Variants in SORCS2 observed in about 807,000 individuals in gnomAD.
SORCS2 encodes VPS10 domain-containing receptor SorCS2.
Under a neutral mutation model 141.6 loss-of-function variants are expected in SORCS2, and 100 were observed. That is an observed-to-expected ratio of 0.71 (90% CI 0.60 to 0.83). SORCS2 has a LOEUF of 0.83. SORCS2 is among the 40% of genes least tolerant of loss of function. SORCS2 has a pLI of 0.00. For synonymous variants in SORCS2, 789 were observed against 676.9 expected, an observed-to-expected ratio of 1.17 and a Z score of -2.57; for missense variants, 1,646 against 1,560.2, an observed-to-expected ratio of 1.05 and a Z score of -0.93.
chr4:7,628,656 C>T (rs1719679851), intron 3 of SORCS2, among the ~76,000 whole-genome samples: 1 of 152,144 alleles, frequency 6.6e-6, no homozygotes. Flanking sequence ...AACCCTGTTC[C>T]CTGACCATGT....
chr4:7,275,211 T>G (rs1454986252), intron 1 of SORCS2, among the ~76,000 whole-genome samples: 4 of 152,158 alleles, frequency 2.6e-5, no homozygotes, highest in African/African-American at 9.7e-5. Flanking sequence ...TATAGCTGCA[T>G]CTGGCAGGCA....
At chr4:7,503,846 C>A (rs1732117576) in intron 2 of SORCS2, among the ~76,000 whole-genome samples, 1 of 152,202 alleles carries the variant, frequency 6.6e-6, no homozygotes. Flanking sequence ...CAAACTTCAC[C>A]AAGAACCACA....
intron 2 of SORCS2, among the ~76,000 whole-genome samples, chr4:7,409,242 G>A (rs1054282254): frequency 2.0e-5 from 3 of 152,118 alleles, no homozygotes; most frequent in Non-Finnish European, 4.4e-5. Context: ...GCCTCCTTTT[G>A]GACTCTAAGT....
chr4:7,686,159 A>G (rs977694168), intron 10 of SORCS2, among the ~76,000 whole-genome samples: 1 of 152,134 alleles, frequency 6.6e-6, no homozygotes, highest in Non-Finnish European at 1.5e-5. Flanking sequence ...CCTTCCCTCA[A>G]TGGGGAAATG....
intron 3 of SORCS2, among the ~76,000 whole-genome samples, chr4:7,584,913 C>G (rs996701529): frequency 6.6e-6 from 1 of 152,126 alleles, no homozygotes; most frequent in Non-Finnish European, 1.5e-5. Context: ...TGGGGGATGT[C>G]AAAATAAAGC....
At chr4:7,527,049 G>C (rs1168235659) in intron 2 of SORCS2, among the ~76,000 whole-genome samples, 1 of 152,190 alleles carries the variant, frequency 6.6e-6, no homozygotes, top group Non-Finnish European at 1.5e-5. Context: ...CGGCCCTGCG[G>C]GTCAGTGGTG....
chr4:7,416,342 C>A (rs987030881), intron 2 of SORCS2, among the ~76,000 whole-genome samples: 6 of 152,134 alleles, frequency 3.9e-5, no homozygotes, highest in African/African-American at 1.4e-4. Flanking sequence ...ACAGAGCTCC[C>A]CCTCCTTGCC....
Position 7,433,678 on chromosome 4 carries a change from C to T in SORCS2, c.548+37323C>T, listed in dbSNP as rs1376765675. ...GTTGTGGGAGGACACCGTGAGCAGC[C>T]TCTTGCACCCATTGCAGAAGCTGCC... On this transcript the variant is annotated intron_variant, in intron 2 of 26. Transcript: ENST00000507866. The T allele has an allele frequency of 1.2e-6, 2 of 1,612,168 alleles. No individual in the cohort carries two copies. Among genetic ancestry groups the T allele is most frequent in the Admixed American group, 3.3e-5 (2 of 59,948 alleles).
At chr4:7,232,803 A>AGGATGCCATGG (rs1252101607) in intron 1 of SORCS2, among the ~76,000 whole-genome samples, 5 of 152,172 alleles carry the variant, frequency 3.3e-5, no homozygotes, top group African/African-American at 1.2e-4. Context: ...GGGGGTGCCC[A>AGGATGCCATGG]GGGCACCCGG....
At chr4:7,615,657 A>G (rs1036059645) in intron 3 of SORCS2, among the ~76,000 whole-genome samples, 2 of 152,112 alleles carry the variant, frequency 1.3e-5, no homozygotes, top group African/African-American at 2.4e-5. Flanking sequence ...GATTTCCCCA[A>G]CTGTTCTTCA....
At chr4:7,275,029 C>G (rs949657990) in intron 1 of SORCS2, among the ~76,000 whole-genome samples, 2 of 152,162 alleles carry the variant, frequency 1.3e-5, no homozygotes, top group Non-Finnish European at 2.9e-5. Flanking sequence ...AGCCTGACAC[C>G]TTTTAATGCA....
At chr4:7,386,126 C>A (rs1402380025) in intron 1 of SORCS2, among the ~76,000 whole-genome samples, 2 of 151,906 alleles carry the variant, frequency 1.3e-5, no homozygotes, top group African/African-American at 4.8e-5. Context: ...CACATATGTA[C>A]ACACGCACAC....
intron 2 of SORCS2, among the ~76,000 whole-genome samples, chr4:7,403,871 T>A (rs1439193761): frequency 6.7e-6 from 1 of 149,218 alleles, no homozygotes; most frequent in Non-Finnish European, 1.5e-5. Context: ...GTACACTGTA[T>A]GCACGAAGTA....
chr4:7,531,766 C>T, intron 3 of SORCS2, 137 bp downstream of exon 3: 3 of 808,882 alleles, frequency 3.7e-6, no homozygotes, highest in Non-Finnish European at 4.0e-6. Flanking sequence ...TCCCTCCCAG[C>T]TCTCACTGCC....
At chr4:7,565,917 GGTGATGATGGCAATGATA>G (rs1714957224) in intron 3 of SORCS2, among the ~76,000 whole-genome samples, 1 of 142,136 alleles carries the variant, frequency 7.0e-6, no homozygotes, top group Non-Finnish European at 1.6e-5. Context: ...TGGTGGTGAT[GGTGATGATGGCAATGATA>G]GTGATGATGG....
chr4:7,487,567 C>T (rs1043613949), intron 2 of SORCS2, among the ~76,000 whole-genome samples: 9 of 152,206 alleles, frequency 5.9e-5, no homozygotes, highest in Admixed American at 2.0e-4. Flanking sequence ...AGAGAGAGCG[C>T]GCTGCATGCA....
At chr4:7,344,262 G>A (rs1720528349) in intron 1 of SORCS2, among the ~76,000 whole-genome samples, 1 of 152,232 alleles carries the variant, frequency 6.6e-6, no homozygotes, top group Admixed American at 6.5e-5. Flanking sequence ...TGAGTCCCAT[G>A]TCATGGAGCC....
At chr4:7,322,888 T>A (rs1042767623) in intron 1 of SORCS2, among the ~76,000 whole-genome samples, 9 of 152,170 alleles carry the variant, frequency 5.9e-5, no homozygotes, top group Non-Finnish European at 1.3e-4. Flanking sequence ...AGCCCCTGCC[T>A]GCCTAGAGCC....
chr4:7,735,595 A>G (rs1006329818), intron 25 of SORCS2, among the ~76,000 whole-genome samples: 1 of 152,168 alleles, frequency 6.6e-6, no homozygotes, highest in Non-Finnish European at 1.5e-5. Flanking sequence ...GGGATCCTGA[A>G]GGATGAATAG....
Sources: gnomAD v4.1 joint callset for allele counts (sites outside exome capture counted in the v4.1 genomes callset) on GRCh38, gnomAD v4.1.1 for gene constraint, MANE v1.5 for transcripts, NCBI Gene and HGNC (gene_info 2026-07-23, HGNC 2026-07-21) for gene names.